The following SGSM1 variants were observed in gnomAD, a reference collection of about 807,000 sequenced individuals.
SGSM1 encodes the protein small G protein signaling modulator 1, also known as RUN and TBC1 domain containing 2.
In SGSM1, 73 loss-of-function variants were observed where a neutral mutation model predicts 133.8. That is an observed-to-expected ratio of 0.55 (90% CI 0.45 to 0.66). The LOEUF (loss-of-function observed/expected upper bound fraction) is 0.66, where lower values mean the gene tolerates loss of function less well. Ranked by LOEUF, SGSM1 falls within the 30% of genes least tolerant of loss-of-function variation. The probability of loss-of-function intolerance (pLI) is 0.00; values close to 1 mark genes in which losing one functional copy is unlikely to be tolerated. For missense variants in SGSM1, 1,213 were observed against 1,448.1 expected (o/e 0.84, Z 2.64); for synonymous variants, 563 against 573.0 (o/e 0.98, Z 0.25).
At chr22:24,875,976 A>G (rs1013659568) in intron 12 of SGSM1, among the ~76,000 whole-genome samples, 5 of 152,230 alleles carry the variant, frequency 3.3e-5, no homozygotes, top group African/African-American at 1.2e-4. Context: ...TTAGTTGAGT[A>G]GGCCAGGAGT....
chr22:24,861,855 A>G (rs1324585895), intron 9 of SGSM1, among the ~76,000 whole-genome samples: 1 of 150,378 alleles, frequency 6.6e-6, no homozygotes, highest in Non-Finnish European at 1.5e-5. Flanking sequence ...TTTTATATGG[A>G]GATGGTTTCT....
chr22:24,898,336 T>C lies in SGSM1; in HGVS notation c.2387T>C (p.Met796Thr). The C allele has an allele frequency of 1.2e-6, 2 of 1,613,882 alleles. No individual in the cohort carries two copies. Among genetic ancestry groups the C allele is most frequent in the Non-Finnish European group, 1.7e-6 (2 of 1,179,858 alleles). Residue 796 changes from methionine to threonine, a missense_variant, in exon 19 of 25, where the codon ATG (methionine) becomes ACG (threonine). Physicochemically the swap from Met to Thr is moderately conservative, Grantham distance 81. Transcript: ENST00000400358. ...GCCAACGAGAGCATGGACGAGTTCA[T>C]GTCCATCACGGGCAGCCTGGACATG... ...LLANESMDEF[M>T]SITGSLDMAL...
chr22:24,847,522 A>G, intron 3 of SGSM1, 112 bp from the exon 4 acceptor site: 2 of 1,335,362 alleles, frequency 1.5e-6, no homozygotes, highest in Non-Finnish European at 2.0e-6. Flanking sequence ...ACAGAAGGTA[A>G]GAAGATTGAG....
At chr22:24,835,441 G>C (rs6004307) in intron 2 of SGSM1, among the ~76,000 whole-genome samples, 1 of 151,984 alleles carries the variant, frequency 6.6e-6, no homozygotes, top group Non-Finnish European at 1.5e-5. Flanking sequence ...CTCATAGAGC[G>C]TAGAGGCCAT....
intron 8 of SGSM1, chr22:24,855,998 C>A: frequency 1.9e-6 from 1 of 516,794 alleles, no homozygotes; most frequent in South Asian, 1.8e-5. Context: ...TTCACCCATC[C>A]ACCCATCTTT....
At chr22:24,860,601 T>C (rs1931066643) in intron 9 of SGSM1, among the ~76,000 whole-genome samples, 1 of 151,914 alleles carries the variant, frequency 6.6e-6, no homozygotes, top group South Asian at 2.1e-4. Flanking sequence ...CATCCCCTTC[T>C]CCCCAATAAT....
chr22:24,813,453 GC>G (rs1555918511), intron 2 of SGSM1, among the ~76,000 whole-genome samples: 1 of 152,106 alleles, frequency 6.6e-6, no homozygotes, highest in African/African-American at 2.4e-5. Context: ...TGGAATCACA[GC>G]CCCCCACCCA....
intron 19 of SGSM1, among the ~76,000 whole-genome samples, chr22:24,899,922 A>G (rs1933068015): frequency 4.0e-5 from 6 of 149,196 alleles, no homozygotes; most frequent in Admixed American, 4.0e-4. Flanking sequence ...AGAATGTTTT[A>G]TTTTCTGTCA....
chr22:24,847,371 C>T lies in SGSM1; in HGVS notation c.140-263C>T, dbSNP rs190027165. On this transcript the variant is annotated intron_variant, in intron 3 of 24. Coordinates refer to ENST00000400358, the MANE Select transcript of SGSM1 (RefSeq NM_001098497.3). ...AGCTCTTACTTCATGAGTTTTGTCACAAGAATTAGGAAAGGTAAGTCTTAA... is the reference window on the plus strand; with the variant it reads ...AGCTCTTACTTCATGAGTTTTGTCATAAGAATTAGGAAAGGTAAGTCTTAA... Among the ~76,000 whole-genome samples the T allele has an allele frequency of 4.2e-4, 64 of 152,272 alleles. 1 individual carries two copies. The highest frequency in any genetic ancestry group is 1.5e-3 in the African/African-American group (62 of 41,562).
At chr22:24,875,650 AAAAAG>A (rs1444739689) in intron 12 of SGSM1, among the ~76,000 whole-genome samples, 4 of 151,954 alleles carry the variant, frequency 2.6e-5, no homozygotes, top group Non-Finnish European at 5.9e-5. Context: ...AGAAAAAAAA[AAAAAG>A]AAAGAAAGAA....
chr22:24,876,788 C>T, intron 13 of SGSM1, 73 bp downstream of exon 13: 2 of 1,584,238 alleles, frequency 1.3e-6, no homozygotes, highest in African/African-American at 1.3e-5. Context: ...CCATGTCTTA[C>T]CCTGCACTGA....
chr22:24,895,778 G>C (rs756112142), intron 18 of SGSM1, among the ~76,000 whole-genome samples: 5 of 152,188 alleles, frequency 3.3e-5, no homozygotes, highest in Non-Finnish European at 5.9e-5. Context: ...GGGCATGGTA[G>C]TTCACACTTG....
chr22:24,808,306 G>A lies in SGSM1; in HGVS notation c.63+1822G>A, dbSNP rs528237649. Reference sequence around the variant, plus strand: ...TTATTTTTTTATTTTTAGTAGAGACGGGGTTTCACCACGTTAGCCAGGATG... The same window carrying A: ...TTATTTTTTTATTTTTAGTAGAGACAGGGTTTCACCACGTTAGCCAGGATG... On this transcript the variant is annotated intron_variant, in intron 2 of 24. Coordinates refer to ENST00000400358, the MANE Select transcript of SGSM1 (RefSeq NM_001098497.3). Among the ~76,000 whole-genome samples, 107 of 151,926 alleles carry A rather than the reference G, an allele frequency of 7.0e-4. 1 individual carries two copies. In the Middle Eastern group the frequency reaches 0.014, roughly 19 times the overall value.
chr22:24,886,932 T>C (rs1194608960), intron 16 of SGSM1, among the ~76,000 whole-genome samples: 1 of 152,212 alleles, frequency 6.6e-6, no homozygotes, highest in African/African-American at 2.4e-5. Flanking sequence ...GGACTAAGTG[T>C]AGATTATGCA....
At chr22:24,889,589 T>C (rs903010942) in intron 16 of SGSM1, among the ~76,000 whole-genome samples, 1 of 151,822 alleles carries the variant, frequency 6.6e-6, no homozygotes, top group Admixed American at 6.6e-5. Flanking sequence ...TTCGTATTTT[T>C]AGTAGAGACG....
chr22:24,868,770 C>G lies in SGSM1; in HGVS notation c.1206C>G (p.Ala402=), dbSNP rs754732595. ...KLRKRSPQGS[A]ESTSSDKDDD... is the part of the protein sequence containing the mutation. ...GCAAGCGAAGCCCTCAGGGTTCTGC[C>G]GAGTCCACATCTTCAGACAAAGATG... Residue 402 remains alanine, a synonymous_variant, in exon 12 of 25, where the codon GCC becomes GCG. Coordinates refer to ENST00000400358, the MANE Select transcript of SGSM1 (RefSeq NM_001098497.3). 1.2e-6 allele frequency: 2 copies of G among 1,613,868 alleles called. No homozygotes were observed. Among genetic ancestry groups the G allele is most frequent in the South Asian group, 1.1e-5 (1 of 91,088 alleles).
chr22:24,838,677 T>G (rs1342333127), intron 2 of SGSM1, among the ~76,000 whole-genome samples: 1 of 152,186 alleles, frequency 6.6e-6, no homozygotes, highest in Non-Finnish European at 1.5e-5. Flanking sequence ...AATCATTTGA[T>G]TATATATGTG....
chr22:24,889,466 G>A (rs143660783), intron 16 of SGSM1, among the ~76,000 whole-genome samples: 1 of 148,946 alleles, frequency 6.7e-6, no homozygotes, highest in African/African-American at 2.5e-5. Context: ...CTGCAGTGCA[G>A]TGGTGTGATC....
rs1828760951 is a variant in SGSM1 at position 24,927,229 on chromosome 22, G to C, written c.*2955G>C. On this transcript the variant is annotated 3_prime_UTR_variant, in exon 25 of 25. Transcript: ENST00000400358. Reference sequence around the variant, plus strand: ...TGATGGTTGTCTGGCTGTTGACTAGGGCAGTGGGGGAAACTGGATTCCGTA... The same window carrying C: ...TGATGGTTGTCTGGCTGTTGACTAGCGCAGTGGGGGAAACTGGATTCCGTA... 2.6e-5 allele frequency: 4 copies of C among 152,178 alleles called. No homozygotes were observed. The South Asian group carries it at 8.3e-4, about 32-fold the overall frequency. The allele number at this position is 152,178 out of a possible 1,614,324, so 9.4% of individuals were successfully genotyped here.
Sources: allele counts gnomAD v4.1 joint callset (sites outside exome capture counted in the v4.1 genomes callset), GRCh38; gene constraint gnomAD v4.1.1; transcripts MANE v1.5; gene names NCBI Gene and HGNC (gene_info 2026-07-23, HGNC 2026-07-21).